The following UBXN2A variants were observed in gnomAD, a reference collection of about 807,000 sequenced individuals.
UBXN2A encodes the protein UBX domain protein 2A, also known as UBX domain-containing protein 2A.
In UBXN2A, 28 loss-of-function variants were observed where a neutral mutation model predicts 28.4. That is an observed-to-expected ratio of 0.99 (90% CI 0.73 to 1.35). UBXN2A has a LOEUF of 1.35. Among genes scored for constraint, UBXN2A ranks in the 40% most tolerant of loss-of-function variants. UBXN2A has a pLI of 0.00. For missense variants in UBXN2A, 253 were observed against 297.9 expected, an observed-to-expected ratio of 0.85 and a Z score of 1.11; for synonymous variants, 97 against 103.6, an observed-to-expected ratio of 0.94 and a Z score of 0.39.
At chr2:23,976,915 C>A in intron 3 of UBXN2A, 54 bp from the exon 4 acceptor site, 1 of 1,464,622 alleles carries the variant, frequency 6.8e-7, no homozygotes. Context: ...AAAGGACTTT[C>A]AATCCTACTA....
At chr2:23,988,818 T>G (rs986123275) in intron 6 of UBXN2A, among the ~76,000 whole-genome samples, 2 of 152,208 alleles carry the variant, frequency 1.3e-5, no homozygotes, top group African/African-American at 4.8e-5. Flanking sequence ...TATGAACTCT[T>G]ACCATCATTA....
chr2:23,970,738 TG>T (rs1707378884), intron 2 of UBXN2A, among the ~76,000 whole-genome samples: 1 of 151,628 alleles, frequency 6.6e-6, no homozygotes, highest in Non-Finnish European at 1.5e-5. Flanking sequence ...TGCAACTAGA[TG>T]GTCCCATTTG....
intron 1 of UBXN2A, among the ~76,000 whole-genome samples, chr2:23,957,924 A>C (rs2150833646): frequency 6.6e-6 from 1 of 152,250 alleles, no homozygotes; most frequent in East Asian, 1.9e-4. Flanking sequence ...CACTGCGCCT[A>C]GCCATTTTTT....
At chr2:23,957,145 G>A (rs746339527) in intron 1 of UBXN2A, among the ~76,000 whole-genome samples, 5 of 151,302 alleles carry the variant, frequency 3.3e-5, no homozygotes, top group Admixed American at 1.3e-4. Flanking sequence ...TCCATGATTG[G>A]TTGAGCCTGC....
chr2:23,972,873 C>G (rs1417616654), intron 3 of UBXN2A, among the ~76,000 whole-genome samples: 1 of 152,004 alleles, frequency 6.6e-6, no homozygotes, highest in South Asian at 2.1e-4. Context: ...ACCTTGAATA[C>G]ACATGGTAAT....
Position 23,971,419 on chromosome 2 carries a change from A to G in UBXN2A, c.180+5A>G. The G allele has an allele frequency of 6.5e-7, 1 of 1,531,308 alleles. No individual in the cohort carries two copies. Among genetic ancestry groups the G allele is most frequent in the Non-Finnish European group, 8.9e-7 (1 of 1,128,930 alleles). 94.9% of individuals were successfully genotyped at this position (1,531,308 alleles called of 1,614,324 possible). ...CCCGCTGAACAGAAGAAACAGGTAA[A>G]TAAATGTCTATTACTTTTCTTTTTC... On this transcript the variant is annotated splice_donor_5th_base_variant and intron_variant, in intron 3 of 6. Coordinates refer to ENST00000309033, the MANE Select transcript of UBXN2A (RefSeq NM_181713.4).
At chr2:23,958,151 T>G (rs577920062) in intron 1 of UBXN2A, 150 bp from the exon 2 acceptor site, 2 of 490,242 alleles carry the variant, frequency 4.1e-6, no homozygotes, top group East Asian at 6.7e-5. Context: ...TTTTCTATCA[T>G]TGCTTTATTT....
chr2:23,939,237 C>T (rs760150077), upstream of UBXN2A, among the ~76,000 whole-genome samples: 3 of 151,954 alleles, frequency 2.0e-5, no homozygotes, highest in Non-Finnish European at 4.4e-5. Context: ...GAATGCTGGA[C>T]TATAAAATAA....
chr2:23,955,556 G>A (rs2150828131), intron 1 of UBXN2A, among the ~76,000 whole-genome samples: 2 of 152,238 alleles, frequency 1.3e-5, no homozygotes, highest in Middle Eastern at 3.4e-3. Flanking sequence ...AGGCAGTTTT[G>A]TCATTGTGTG....
intron 2 of UBXN2A, among the ~76,000 whole-genome samples, 184 bp downstream of exon 2, chr2:23,958,539 A>G (rs1706750304): frequency 6.6e-6 from 1 of 152,206 alleles, no homozygotes; most frequent in African/African-American, 2.4e-5. Context: ...TATTGAAGTT[A>G]CTGAATGTTT....
intron 1 of UBXN2A, among the ~76,000 whole-genome samples, chr2:23,932,765 A>G (rs1160150306): frequency 6.6e-6 from 1 of 152,230 alleles, no homozygotes; most frequent in Non-Finnish European, 1.5e-5. Context: ...GCACAAAAAT[A>G]AAGTCCCATG....
In UBXN2A at chr2:24,001,194, T is replaced by C. The variant is rs1708719107; in HGVS notation, c.*1327T>C. 1 of 152,214 alleles carries C rather than the reference T, an allele frequency of 6.6e-6. No homozygotes were observed. The highest frequency in any genetic ancestry group is 2.4e-5 in the African/African-American group (1 of 41,424). 9.4% of individuals were successfully genotyped at this position (152,214 alleles called of 1,614,324 possible). A position where few individuals can be genotyped will look rare whatever the true frequency, so the allele number is the denominator to read the frequency against. On this transcript the variant is annotated 3_prime_UTR_variant, in exon 7 of 7. Transcript: ENST00000309033. ...TAGTAGACACGGGATTTCACCATGT[T>C]GGTCAGGCTGGTCTCGAACTCCCGA...
At chr2:23,975,424 A>C (rs1291494834) in intron 3 of UBXN2A, among the ~76,000 whole-genome samples, 1 of 152,186 alleles carries the variant, frequency 6.6e-6, no homozygotes, top group Non-Finnish European at 1.5e-5. Flanking sequence ...ATTTCAATCA[A>C]AATAACATGT....
chr2:23,950,777 C>T (rs561204614), intron 1 of UBXN2A, among the ~76,000 whole-genome samples: 15 of 152,016 alleles, frequency 9.9e-5, no homozygotes, highest in Middle Eastern at 3.2e-3. Flanking sequence ...GATCTTGGCT[C>T]ACTGCAACCT....
chr2:23,976,137 T>C (rs112529352), intron 3 of UBXN2A, among the ~76,000 whole-genome samples: 1 of 152,302 alleles, frequency 6.6e-6, no homozygotes, highest in African/African-American at 2.4e-5. Context: ...TCTAACATAG[T>C]TGTGTCACAA....
At chr2:23,986,050 T>C (rs1024293899) in intron 6 of UBXN2A, among the ~76,000 whole-genome samples, 2 of 152,078 alleles carry the variant, frequency 1.3e-5, no homozygotes, top group Admixed American at 6.6e-5. Flanking sequence ...GGCTCACACC[T>C]GTAATCCCAG....
chr2:23,991,687 G>C (rs965826797), intron 6 of UBXN2A, among the ~76,000 whole-genome samples: 2 of 152,112 alleles, frequency 1.3e-5, no homozygotes, highest in Admixed American at 6.6e-5. Flanking sequence ...GGCCAGTCTG[G>C]TCTCGAACTG....
chr2:23,961,544 T>TTC (rs1360940026), intron 2 of UBXN2A, among the ~76,000 whole-genome samples: 1 of 122,668 alleles, frequency 8.2e-6, no homozygotes, highest in East Asian at 2.3e-4. Context: ...ACTGCCTTTT[T>TTC]TTTTTTTTTT....
intron 6 of UBXN2A, 137 bp from the exon 7 acceptor site, chr2:23,999,535 C>A: frequency 1.1e-6 from 1 of 921,162 alleles, no homozygotes; most frequent in Non-Finnish European, 1.6e-6. Flanking sequence ...GGCACCACTG[C>A]ACTGCATCCT....
Sources: gnomAD v4.1 joint callset for allele counts (sites outside exome capture counted in the v4.1 genomes callset) on GRCh38, gnomAD v4.1.1 for gene constraint, MANE v1.5 for transcripts, NCBI Gene and HGNC (gene_info 2026-07-23, HGNC 2026-07-21) for gene names.